Variants in UTRN observed in about 807,000 individuals in gnomAD.
The protein encoded by UTRN is utrophin.
A neutral mutation model predicts 463.9 loss-of-function variants in UTRN; 283 were observed. The observed-to-expected ratio is 0.61, with a 90% CI of 0.55 to 0.67. The LOEUF is 0.67. Among genes scored for constraint, UTRN ranks in the 30% least tolerant of loss-of-function variants. The pLI, the probability that UTRN is intolerant of heterozygous loss-of-function variation, is 0.00. For missense variants in UTRN, 3,922 were observed against 4,084.3 expected (o/e 0.96, Z 1.08); for synonymous variants, 1,442 against 1,431.5 (o/e 1.01, Z -0.17).
chr6:144,654,017 G>T (rs1779082687), intron 51 of UTRN, among the ~76,000 whole-genome samples: 1 of 152,246 alleles, frequency 6.6e-6, no homozygotes, highest in African/African-American at 2.4e-5. Context: ...AAGGAAGAGA[G>T]ATAACGGTAC....
At chr6:144,798,339 T>A (rs1213504957) in intron 64 of UTRN, among the ~76,000 whole-genome samples, 1 of 152,134 alleles carries the variant, frequency 6.6e-6, no homozygotes, top group Non-Finnish European at 1.5e-5. Context: ...TATTCTGAGG[T>A]CTTGGGGTCA....
At chr6:144,809,474 G>T (rs1778423743) in intron 65 of UTRN, among the ~76,000 whole-genome samples, 1 of 152,152 alleles carries the variant, frequency 6.6e-6, no homozygotes, top group African/African-American at 2.4e-5. Flanking sequence ...AAATCCCAAG[G>T]TGGGATAAAG....
intron 53 of UTRN, among the ~76,000 whole-genome samples, chr6:144,709,049 GAC>G (rs1785384807): frequency 6.6e-6 from 1 of 152,146 alleles, no homozygotes; most frequent in Non-Finnish European, 1.5e-5. Context: ...AAACCCTCAT[GAC>G]CTAATCACCG....
intron 51 of UTRN, 136 bp downstream of exon 51, chr6:144,577,424 A>G: frequency 1.1e-6 from 1 of 896,156 alleles, no homozygotes; most frequent in Non-Finnish European, 1.6e-6. Flanking sequence ...TCCTGTGAAT[A>G]ATAGGTTTCT....
At chr6:144,738,658 T>G (rs1050625743) in intron 54 of UTRN, among the ~76,000 whole-genome samples, 1 of 152,222 alleles carries the variant, frequency 6.6e-6, no homozygotes, top group Non-Finnish European at 1.5e-5. Context: ...ATTACACAAT[T>G]CATTGTATAC....
intron 60 of UTRN, among the ~76,000 whole-genome samples, chr6:144,778,186 G>C (rs977578743): frequency 6.6e-6 from 1 of 152,176 alleles, no homozygotes; most frequent in African/African-American, 2.4e-5. Flanking sequence ...TCAAAGCTGA[G>C]CTGGCTGGGA....
chr6:144,565,576 C>T (rs555753678), intron 50 of UTRN, among the ~76,000 whole-genome samples: 87 of 152,200 alleles, frequency 5.7e-4, no homozygotes, highest in Non-Finnish European at 8.8e-4. Flanking sequence ...AGTGAAAAAA[C>T]GCAGATTTGT....
At chr6:144,353,210 G>A (rs1778263933) in intron 2 of UTRN, among the ~76,000 whole-genome samples, 1 of 152,042 alleles carries the variant, frequency 6.6e-6, no homozygotes, top group Admixed American at 6.6e-5. Context: ...CCCTTCCCAG[G>A]TTCAAGCGAT....
intron 18 of UTRN, 120 bp downstream of exon 18, chr6:144,451,613 G>A: frequency 8.0e-7 from 1 of 1,251,202 alleles, no homozygotes; most frequent in South Asian, 1.7e-5. Context: ...GTAGGCAGAA[G>A]GTAGCTTTTA....
chr6:144,362,272 C>T (rs1014921668), intron 2 of UTRN, among the ~76,000 whole-genome samples: 13 of 152,114 alleles, frequency 8.5e-5, no homozygotes, highest in African/African-American at 2.2e-4. Flanking sequence ...GTGATGTGCC[C>T]GCCCATCCGG....
chr6:144,640,446 C>T lies in UTRN; in HGVS notation c.7480-37960C>T, dbSNP rs138884646. ...TTTACAGTGTCTAAACTCTATTTTA[C>T]GTCTTCCTAAACTGATATCGTACAT... On this transcript the variant is annotated intron_variant, in intron 51 of 74. Coordinates refer to ENST00000367545, the MANE Select transcript of UTRN (RefSeq NM_007124.3). 2.6e-4 allele frequency among the ~76,000 whole-genome samples: 39 copies of T among 152,232 alleles called. No homozygotes were observed. The East Asian group carries it at 5.6e-3, about 22-fold the overall frequency.
intron 9 of UTRN, among the ~76,000 whole-genome samples, chr6:144,432,285 T>A (rs530264991): frequency 6.6e-6 from 1 of 152,336 alleles, no homozygotes; most frequent in South Asian, 2.1e-4. Flanking sequence ...CCTGCACATT[T>A]TTCCTCAGTT....
intron 10 of UTRN, among the ~76,000 whole-genome samples, chr6:144,436,950 A>T (rs1034352100): frequency 2.1e-5 from 3 of 146,034 alleles, no homozygotes; most frequent in African/African-American, 7.5e-5. Flanking sequence ...GTATATATAT[A>T]TATTTATAAT....
intron 65 of UTRN, among the ~76,000 whole-genome samples, chr6:144,810,158 C>T (rs929824275): frequency 6.6e-6 from 1 of 152,080 alleles, no homozygotes; most frequent in Admixed American, 6.6e-5. Flanking sequence ...TTCTTCCCTC[C>T]AGGAATAAGG....
chr6:144,684,897 G>A (rs1381789986), intron 52 of UTRN, among the ~76,000 whole-genome samples: 2 of 151,870 alleles, frequency 1.3e-5, no homozygotes, highest in Admixed American at 1.3e-4. Flanking sequence ...TAGCTTTAAG[G>A]GTACAGGTGA....
At chr6:144,529,171 C>T (rs2128600440) in intron 41 of UTRN, among the ~76,000 whole-genome samples, 1 of 152,340 alleles carries the variant, frequency 6.6e-6, no homozygotes, top group South Asian at 2.1e-4. Context: ...TTCCGCCACC[C>T]CCACACCCCC....
intron 69 of UTRN, among the ~76,000 whole-genome samples, chr6:144,835,484 T>A (rs970371525): frequency 2.0e-5 from 3 of 152,228 alleles, no homozygotes; most frequent in Non-Finnish European, 4.4e-5. Context: ...GTAGCTTTTA[T>A]ACTAAATGCT....
chr6:144,456,892 A>G (rs189555365), intron 19 of UTRN, among the ~76,000 whole-genome samples: 7 of 152,138 alleles, frequency 4.6e-5, no homozygotes, highest in African/African-American at 7.2e-5. Context: ...TGAAGGTCCT[A>G]TGTTTTGTAA....
chr6:144,349,542 A>G (rs1777926110), intron 2 of UTRN, among the ~76,000 whole-genome samples: 1 of 152,230 alleles, frequency 6.6e-6, no homozygotes, highest in South Asian at 2.1e-4. Flanking sequence ...AAATGGAATA[A>G]TAAATTCTGT....
Sources: gnomAD v4.1 joint callset for allele counts (sites outside exome capture counted in the v4.1 genomes callset) on GRCh38, gnomAD v4.1.1 for gene constraint, MANE v1.5 for transcripts, NCBI Gene and HGNC (gene_info 2026-07-23, HGNC 2026-07-21) for gene names.